AK4: variants seen among roughly 807,000 people sequenced by gnomAD.
AK4 encodes the protein adenylate kinase 4, also known as adenylate kinase 4, mitochondrial.
Under a neutral mutation model 24.6 loss-of-function variants are expected in AK4, and 13 were observed. The observed-to-expected ratio is 0.53, with a 90% CI of 0.34 to 0.84. The LOEUF (loss-of-function observed/expected upper bound fraction) is 0.84. Among genes scored for constraint, AK4 ranks in the 40% least tolerant of loss-of-function variants. AK4 has a pLI of 0.01. For missense variants in AK4, 192 were observed against 288.2 expected (o/e 0.67, Z 2.42); for synonymous variants, 88 against 107.0 (o/e 0.82, Z 1.10).
intron 2 of AK4, among the ~76,000 whole-genome samples, chr1:65,203,401 A>C (rs560620972): frequency 3.7e-4 from 56 of 152,300 alleles, no homozygotes; most frequent in African/African-American, 1.3e-3. Context: ...GTTAGGACTT[A>C]ACATTTCAAT....
At chr1:65,206,150 C>T (rs1651806121) in intron 2 of AK4, among the ~76,000 whole-genome samples, 1 of 152,126 alleles carries the variant, frequency 6.6e-6, no homozygotes, top group Admixed American at 6.5e-5. Context: ...TTCCATTCCT[C>T]CCCTATCCCT....
chr1:65,213,032 G>C (rs536459176), intron 2 of AK4, among the ~76,000 whole-genome samples: 265 of 152,202 alleles, frequency 1.7e-3, no homozygotes, highest in Non-Finnish European at 2.8e-3. Context: ...TCTTGTCTTT[G>C]TGAATGCTTC....
intron 1 of AK4, among the ~76,000 whole-genome samples, chr1:65,181,020 T>G (rs1463036657): frequency 6.6e-6 from 1 of 151,756 alleles, no homozygotes; most frequent in African/African-American, 2.4e-5. Flanking sequence ...TGAGTAATTA[T>G]CTCTTTCTGG....
chr1:65,172,042 CAGAG>C (rs1187047523), intron 1 of AK4, among the ~76,000 whole-genome samples: 5 of 127,526 alleles, frequency 3.9e-5, no homozygotes, highest in African/African-American at 5.3e-5. Context: ...ACCTGAGCAA[CAGAG>C]AGAGACTCCA....
chr1:65,152,316 ATCTCTCTCTCTCTC>A lies in AK4; in HGVS notation c.145+3796_145+3809del, dbSNP rs1158775260. 6.5e-3 allele frequency among the ~76,000 whole-genome samples: 212 copies of A among 32,460 alleles called. 2 individuals carry two copies. The highest frequency in any genetic ancestry group is 0.013 in the African/African-American group (140 of 10,398). The allele number at this position is 32,460 out of a possible 152,430, so 21.3% of individuals were successfully genotyped here. ...GAACAAACCTGTTTCTGCACTTGCTATCTCTCTCTCTCTCTCTCTCTCTCTCTCTCTCTCTCTCT... is the reference window on the plus strand; with the variant it reads ...GAACAAACCTGTTTCTGCACTTGCTATCTCTCTCTCTCTCTCTCTCTCTCT... On this transcript the variant is annotated intron_variant, in intron 1 of 4. Transcript: ENST00000327299.
At chr1:65,224,633 G>A (rs1367368989) in intron 3 of AK4, 119 bp from the exon 4 acceptor site, 1 of 727,050 alleles carries the variant, frequency 1.4e-6, no homozygotes, top group African/African-American at 1.8e-5. Context: ...TGTCACCAAG[G>A]CCTAATTCAT....
chr1:65,173,325 G>A (rs1184557616), intron 1 of AK4, among the ~76,000 whole-genome samples: 1 of 152,136 alleles, frequency 6.6e-6, no homozygotes, highest in Non-Finnish European at 1.5e-5. Context: ...GCACCACAGA[G>A]TTAACATACA....
intron 2 of AK4, among the ~76,000 whole-genome samples, chr1:65,191,580 G>C (rs1307107414): frequency 2.0e-5 from 3 of 151,438 alleles, no homozygotes; most frequent in African/African-American, 7.3e-5. Context: ...AATGTGAACA[G>C]GGTGAAAGGG....
chr1:65,192,924 G>A (rs1651354100), intron 2 of AK4, among the ~76,000 whole-genome samples: 1 of 152,244 alleles, frequency 6.6e-6, no homozygotes, highest in African/African-American at 2.4e-5. Flanking sequence ...CAGGGCCTCA[G>A]AAGCCCCACC....
chr1:65,171,516 G>A (rs11208600), intron 1 of AK4, among the ~76,000 whole-genome samples: 24,384 of 151,316 alleles, frequency 0.16, 2,974 homozygotes, highest in African/African-American at 0.33. Context: ...TAAATTGGCC[G>A]GGCTGGTCTC....
intron 2 of AK4, among the ~76,000 whole-genome samples, chr1:65,216,550 T>TGGCC (rs375125785): frequency 2.0e-5 from 3 of 148,038 alleles, no homozygotes; most frequent in Admixed American, 6.6e-5. Context: ...TAGAAAATGC[T>TGGCC]TTTCATTGAT....
intron 1 of AK4, among the ~76,000 whole-genome samples, chr1:65,189,279 TTC>T (rs1205447304): frequency 2.4e-4 from 34 of 144,270 alleles, no homozygotes; most frequent in South Asian, 1.5e-3. Context: ...GAGAATGTGA[TTC>T]TCTCTCTTTT....
chr1:65,152,247 C>CATTTGGAAGCATCTTGGAGTTAATTG, intron 1 of AK4, among the ~76,000 whole-genome samples: 2 of 148,570 alleles, frequency 1.3e-5, no homozygotes, highest in South Asian at 4.4e-4. Flanking sequence ...GGCACATCTC[C>CATTTGGAAGCATCTTGGAGTTAATTG]ATTTGGAAGC....
At chr1:65,169,853 A>G (rs1424470316) in intron 1 of AK4, among the ~76,000 whole-genome samples, 3 of 151,666 alleles carry the variant, frequency 2.0e-5, no homozygotes, top group African/African-American at 7.3e-5. Flanking sequence ...GCATTAAAGT[A>G]TTATTTTTTC....
chr1:65,183,037 T>C (rs1441525676), intron 1 of AK4, among the ~76,000 whole-genome samples: 1 of 152,160 alleles, frequency 6.6e-6, no homozygotes, highest in African/African-American at 2.4e-5. Context: ...GGAACAGGCC[T>C]CATGCTAGAT....
At chr1:65,157,579 T>C (rs959420709) in intron 1 of AK4, among the ~76,000 whole-genome samples, 2 of 152,072 alleles carry the variant, frequency 1.3e-5, no homozygotes, top group Non-Finnish European at 2.9e-5. Context: ...AGACCAAGTG[T>C]CCAAGACCAG....
At position 65,227,358 on chromosome 1, in the gene AK4, T is replaced by C. The variant is rs1570153848; in HGVS notation, c.*1181T>C. 2.0e-5 allele frequency: 3 copies of C among 152,442 alleles called. No individual in the cohort carries two copies. Among genetic ancestry groups the C allele is most frequent in the Admixed American group, 2.0e-4 (3 of 15,252 alleles). The allele number at this position is 152,442 out of a possible 1,614,324, so 9.4% of individuals were successfully genotyped here. ...GTGCCTGGACTGAGTATAACAGCTT[T>C]ATGATTATGAGAAAACAAATTCTTT... On this transcript the variant is annotated 3_prime_UTR_variant, in exon 5 of 5. Transcript: ENST00000327299.
At chr1:65,207,595 G>A (rs1295776333) in intron 2 of AK4, among the ~76,000 whole-genome samples, 3 of 151,620 alleles carry the variant, frequency 2.0e-5, no homozygotes, top group Non-Finnish European at 4.4e-5. Flanking sequence ...TAGGTTTAGG[G>A]GATACATGTG....
chr1:65,215,489 G>A (rs1254909193), intron 2 of AK4, among the ~76,000 whole-genome samples: 1 of 152,054 alleles, frequency 6.6e-6, no homozygotes, highest in Non-Finnish European at 1.5e-5. Flanking sequence ...TTTCTTTTGA[G>A]TCTTCCTTGG....
Sources: allele counts gnomAD v4.1 joint callset (sites outside exome capture counted in the v4.1 genomes callset), GRCh38; gene constraint gnomAD v4.1.1; transcripts MANE v1.5; gene names NCBI Gene and HGNC (gene_info 2026-07-23, HGNC 2026-07-21).